VRTN: variants seen among roughly 807,000 people sequenced by gnomAD.
The protein encoded by VRTN is vertnin.
Under a neutral mutation model 18.2 loss-of-function variants are expected in VRTN, and 5 were observed. That is an observed-to-expected ratio of 0.27 (90% CI 0.14 to 0.58). VRTN has a LOEUF of 0.58. Among genes scored for constraint, VRTN ranks in the 20% least tolerant of loss-of-function variants. The pLI is 0.91. For missense variants in VRTN, 741 were observed against 939.4 expected (o/e 0.79, Z 2.76); for synonymous variants, 381 against 393.7 (o/e 0.97, Z 0.38).
At chr14:74,309,830 A>G (rs139672167) in intron 1 of VRTN, among the ~76,000 whole-genome samples, 2,864 of 152,302 alleles carry the variant, frequency 0.019, 44 homozygotes, top group Middle Eastern at 0.078. Flanking sequence ...ATACATAGAT[A>G]AAGGGAAGAC....
intron 1 of VRTN, among the ~76,000 whole-genome samples, chr14:74,333,466 G>A (rs2085542537): frequency 6.7e-6 from 1 of 150,324 alleles, no homozygotes; most frequent in Admixed American, 6.6e-5. Flanking sequence ...CTCCAGCCTG[G>A]GACAGAGTGA....
At chr14:74,317,879 G>A (rs1424831584) in intron 1 of VRTN, among the ~76,000 whole-genome samples, 2 of 152,144 alleles carry the variant, frequency 1.3e-5, no homozygotes, top group Admixed American at 6.6e-5. Context: ...TAATCCCAGC[G>A]CTTTTGGAGG....
chr14:74,340,891 G>A lies in VRTN; in HGVS notation c.-2+3007G>A, dbSNP rs1035537935. Among the ~76,000 whole-genome samples, 8 of 151,928 alleles carry A rather than the reference G, an allele frequency of 5.3e-5. No individual in the cohort carries two copies. The East Asian group carries it at 5.8e-4, about 11-fold the overall frequency. Reference sequence around the variant, plus strand: ...TCAGCCTCCTGAGTAGCTGGAGTACGCGCAGCCACTCCCGGCTAATTTTTG... The same window carrying A: ...TCAGCCTCCTGAGTAGCTGGAGTACACGCAGCCACTCCCGGCTAATTTTTG... On this transcript the variant is annotated intron_variant, in intron 2 of 2. Transcript: ENST00000557177.
intron 1 of VRTN, among the ~76,000 whole-genome samples, chr14:74,303,778 A>G (rs1486352691): frequency 6.6e-6 from 1 of 150,908 alleles, no homozygotes; most frequent in Non-Finnish European, 1.5e-5. Flanking sequence ...TACAACATGC[A>G]TGTATCACTT....
intron 1 of VRTN, among the ~76,000 whole-genome samples, chr14:74,304,084 C>A (rs1447973305): frequency 6.6e-6 from 1 of 151,980 alleles, no homozygotes; most frequent in African/African-American, 2.4e-5. Flanking sequence ...CTCCTAACCT[C>A]AGGTGATCTG....
rs774716970 is a variant in VRTN at position 74,357,933 on chromosome 14, G to A, written c.1150G>A (p.Glu384Lys). 3.1e-6 allele frequency: 5 copies of A among 1,614,102 alleles called. No homozygotes were observed. The South Asian group carries it at 5.5e-5, about 18-fold the overall frequency. The change falls in exon 2 of 2, where the codon GAG becomes AAG. Residue 384 changes from glutamate to lysine, a missense_variant. This residue lies in a region of VRTN where 494 missense variants were observed against 546.5 expected (regional missense o/e 0.90). Transcript: ENST00000256362. This position sits in a 1 kb window ranked among gnomAD's most constrained non-coding sequence, Gnocchi z 7.8. ...GAAGCTGCCGGAGGAGCAGGTGGCT[G>A]AGGAGGAGCTGGAGTGCTCCGCACT... ...LEKLPEEQVA[E>K]EELECSALAV...
In VRTN at chr14:74,358,615, A is replaced by G. The variant is rs2048097045; in HGVS notation, c.1832A>G (p.Glu611Gly). The change falls in exon 2 of 2, where the codon GAG becomes GGG. Residue 611 changes from glutamate to glycine, a missense_variant. Coordinates refer to ENST00000256362, the MANE Select transcript of VRTN (RefSeq NM_018228.3). This position sits in a 1 kb window ranked among gnomAD's most constrained non-coding sequence, Gnocchi z 5.4. ...CCTTCCAGAGAGGGGGCCCTGCAGG[A>G]GGGGGCCACAGCCCAGGGCCAGCCC... ...GGPSREGALQ[E>G]GATAQGQPHS... 1 of 1,601,438 alleles carries G rather than the reference A, an allele frequency of 6.2e-7. No individual in the cohort carries two copies. Among genetic ancestry groups the G allele is most frequent in the Non-Finnish European group, 8.5e-7 (1 of 1,173,186 alleles).
intron 1 of VRTN, among the ~76,000 whole-genome samples, chr14:74,320,413 G>A (rs12879944): frequency 2.0e-4 from 29 of 144,554 alleles, no homozygotes; most frequent in South Asian, 2.3e-4. Flanking sequence ...GGCGCCCGCC[G>A]CCACCACGCC....
At chr14:74,309,972 A>C (rs1164882194) in intron 1 of VRTN, among the ~76,000 whole-genome samples, 2 of 152,240 alleles carry the variant, frequency 1.3e-5, no homozygotes, top group Non-Finnish European at 2.9e-5. Flanking sequence ...CAAAGGGTCA[A>C]TCACAAGGAT....
chr14:74,317,729 G>A (rs1362624333), intron 1 of VRTN, among the ~76,000 whole-genome samples: 2 of 152,162 alleles, frequency 1.3e-5, no homozygotes, highest in South Asian at 2.1e-4. Flanking sequence ...GTGAACTTGG[G>A]AGGTGGAGGT....
rs35884901 is a variant in VRTN, at chr14:74,320,563, C to CTTTT, written c.-163-17122_-163-17119dup. ...AGACTTGAGCCACTGCGCCCGGCCT[C>CTTTT]TTTTTTTTTTTTTTTTTTTTTTTTT... On this transcript the variant is annotated intron_variant, in intron 1 of 2. Transcript: ENST00000557177. Among the ~76,000 whole-genome samples the CTTTT allele has an allele frequency of 7.8e-4, 35 of 45,024 alleles. 8 individuals carry two copies. Among genetic ancestry groups the CTTTT allele is most frequent in the Non-Finnish European group, 1.3e-3 (29 of 22,412 alleles). The allele number at this position is 45,024 out of a possible 152,430, so 29.5% of individuals were successfully genotyped here.
At chr14:74,343,976 T>G (rs540954950), upstream of VRTN, among the ~76,000 whole-genome samples, 1 of 151,380 alleles carries the variant, frequency 6.6e-6, no homozygotes, top group South Asian at 2.1e-4. Context: ...TTTTGTATTT[T>G]TGTAGATGCG....
intron 1 of VRTN, among the ~76,000 whole-genome samples, chr14:74,311,495 A>C (rs1039933789): frequency 2.7e-5 from 4 of 149,550 alleles, no homozygotes; most frequent in African/African-American, 9.9e-5. Flanking sequence ...ATCTTGGCTC[A>C]CTGCAACCTC....
intron 1 of VRTN, among the ~76,000 whole-genome samples, chr14:74,354,247 T>G (rs1041620467): frequency 1.7e-4 from 26 of 152,178 alleles, no homozygotes; most frequent in African/African-American, 6.3e-4. Context: ...TCATCAGATA[T>G]ATAGATGGAA....
rs2085752396 is a variant in VRTN at position 74,358,416 on chromosome 14, A to G, written c.1633A>G (p.Lys545Glu). The G allele has an allele frequency of 6.2e-7, 1 of 1,614,104 alleles. No individual in the cohort carries two copies. Among genetic ancestry groups the G allele is most frequent in the East Asian group, 2.2e-5 (1 of 44,880 alleles). Residue 545 changes from lysine (K) to glutamate (E), a missense_variant, in exon 2 of 2, where the codon AAG becomes GAG. Physicochemically the swap from Lys to Glu is moderately conservative, Grantham distance 56. Coordinates refer to ENST00000256362, the MANE Select transcript of VRTN (RefSeq NM_018228.3). This position sits in a 1 kb window ranked among gnomAD's most constrained non-coding sequence, Gnocchi z 5.4. ...SLSPSAFWVW[K>E]SLARGWPRGL... ...GTCACCTTCTGCCTTTTGGGTCTGGAAGAGTCTTGCTCGGGGTTGGCCCAG... is the reference window on the plus strand; with the variant it reads ...GTCACCTTCTGCCTTTTGGGTCTGGGAGAGTCTTGCTCGGGGTTGGCCCAG...
rs2085659568 is a variant in VRTN at position 74,348,581 on chromosome 14, G to T, written c.-73G>T. 1 of 152,418 alleles carries T rather than the reference G, an allele frequency of 6.6e-6. No homozygotes were observed. 9.4% of individuals were successfully genotyped at this position (152,418 alleles called of 1,614,324 possible). The stretch of plus-strand genomic sequence containing the variant: ...ACTTGAGAAGGCCTTTCCCCACAGG[G>T]TGACTTAAATGTCCCAGGCTGGAAG... On this transcript the variant is annotated 5_prime_UTR_variant, in exon 1 of 2. Transcript: ENST00000256362.
At chr14:74,314,366 G>A (rs1336957988) in intron 1 of VRTN, among the ~76,000 whole-genome samples, 1 of 148,322 alleles carries the variant, frequency 6.7e-6, no homozygotes, top group African/African-American at 2.5e-5. Context: ...CAGAAATGAG[G>A]ACCAAAAGAC....
At chr14:74,314,171 G>A (rs1454652226) in intron 1 of VRTN, among the ~76,000 whole-genome samples, 2 of 151,836 alleles carry the variant, frequency 1.3e-5, no homozygotes, top group African/African-American at 4.8e-5. Context: ...TTGCTCTGTT[G>A]TCTAGGCTGG....
intron 1 of VRTN, among the ~76,000 whole-genome samples, chr14:74,316,902 G>T (rs1017486722): frequency 3.3e-5 from 5 of 152,000 alleles, no homozygotes; most frequent in Non-Finnish European, 5.9e-5. Flanking sequence ...CTCCCAAAGT[G>T]CTGGGATTAC....
Sources: gnomAD v4.1 joint callset for allele counts (sites outside exome capture counted in the v4.1 genomes callset) on GRCh38, gnomAD v4.1.1 for gene constraint, gnomAD v4.1.1 regional missense constraint, Gnocchi (gnomAD v3.1) non-coding constraint, MANE v1.5 for transcripts, NCBI Gene and HGNC (gene_info 2026-07-23, HGNC 2026-07-21) for gene names.